Variants in IL4 observed in about 807,000 individuals in gnomAD.
IL4 encodes interleukin-4.
Under a neutral mutation model 17.4 loss-of-function variants are expected in IL4, and 10 were observed. That is an observed-to-expected ratio of 0.57 (90% CI 0.35 to 0.97). The LOEUF is 0.97. Ranked by LOEUF, IL4 falls within the 50% of genes least tolerant of loss-of-function variation. The pLI is 0.01. For missense variants in IL4, 174 were observed against 187.7 expected, an observed-to-expected ratio of 0.93 and a Z score of 0.43; for synonymous variants, 87 against 79.0, an observed-to-expected ratio of 1.10 and a Z score of -0.54.
Position 132,674,096 on chromosome 5 carries a change from G to C in IL4, c.46G>C (p.Ala16Pro). 6.2e-7 allele frequency: 1 copy of C among 1,614,160 alleles called. No individual in the cohort carries two copies. The highest frequency in any genetic ancestry group is 8.5e-7 in the Non-Finnish European group (1 of 1,180,010). Residue 16 changes from alanine (A) to proline (P), a missense_variant, in exon 1 of 4, where the codon GCA becomes CCA. Coordinates refer to ENST00000231449, the MANE Select transcript of IL4 (RefSeq NM_000589.4). ...QLLPPLFFLL[A>P]CAGNFVHGHK... ...GCTTCCCCCTCTGTTCTTCCTGCTA[G>C]CATGTGCCGGCAACTTTGTCCACGG...
intron 2 of IL4, among the ~76,000 whole-genome samples, chr5:132,675,927 A>ACATG (rs1752374542): frequency 2.4e-5 from 1 of 41,020 alleles, no homozygotes; most frequent in Admixed American, 2.9e-4. Context: ...ATGTGTATGT[A>ACATG]TATGTGTGTG....
intron 2 of IL4, among the ~76,000 whole-genome samples, chr5:132,678,089 G>GA (rs1485906293): frequency 1.3e-5 from 2 of 152,190 alleles, no homozygotes; most frequent in East Asian, 1.9e-4. Flanking sequence ...AGACTTTCCT[G>GA]AAAAAACGTT....
chr5:132,677,128 T>C (rs553442387), intron 2 of IL4, among the ~76,000 whole-genome samples: 3 of 152,356 alleles, frequency 2.0e-5, no homozygotes, highest in Non-Finnish European at 2.9e-5. Flanking sequence ...GAGTTTCTCA[T>C]ATACAGCACT....
chr5:132,682,338 T>C (rs1169049003), intron 3 of IL4, 148 bp from the exon 4 acceptor site: 4 of 558,316 alleles, frequency 7.2e-6, no homozygotes, highest in Non-Finnish European at 1.3e-5. Context: ...GCTGGCCTAG[T>C]GATAGAGACA....
chr5:132,681,948 G>A (rs1210503229), intron 3 of IL4, among the ~76,000 whole-genome samples: 1 of 152,196 alleles, frequency 6.6e-6, no homozygotes, highest in East Asian at 1.9e-4. Context: ...TATAAATTAA[G>A]TAGTACATCC....
In IL4 at chr5:132,675,929, A is replaced by ATATGTGTGTGTGTGTGTGTGTG. The variant is rs150233516; in HGVS notation, c.183+1424_183+1425insATGTGTGTGTGTGTGTGTGTGT. Among the ~76,000 whole-genome samples, 241 of 141,050 alleles carry ATATGTGTGTGTGTGTGTGTGTG rather than the reference A, an allele frequency of 1.7e-3. 1 individual carries two copies. Among genetic ancestry groups the ATATGTGTGTGTGTGTGTGTGTG allele is most frequent in the African/African-American group, 6.4e-3 (234 of 36,738 alleles). The allele number at this position is 141,050 out of a possible 152,430, so 92.5% of individuals were successfully genotyped here. A position where few individuals can be genotyped will look rare whatever the true frequency, so the allele number is the denominator to read the frequency against. On this transcript the variant is annotated intron_variant, in intron 2 of 3. Coordinates refer to ENST00000231449, the MANE Select transcript of IL4 (RefSeq NM_000589.4). ...TGTGTATGTATATATGTGTATGTAT[A>ATATGTGTGTGTGTGTGTGTGTG]TGTGTGTGTGTGTGTGTGTGTGTGT...
chr5:132,678,141 A>C (rs1380027492), intron 2 of IL4, among the ~76,000 whole-genome samples: 3 of 152,272 alleles, frequency 2.0e-5, no homozygotes, highest in Non-Finnish European at 4.4e-5. Context: ...TACATAAATA[A>C]GAGATGAACA....
intron 3 of IL4, 43 bp downstream of exon 3, chr5:132,679,933 T>G: frequency 6.5e-7 from 1 of 1,550,320 alleles, no homozygotes; most frequent in Non-Finnish European, 8.8e-7. Context: ...GCGTGGCTCC[T>G]GGTGGACAGC....
chr5:132,679,890 G>A lies in IL4; in HGVS notation c.360G>A (p.Leu120=). The A allele has an allele frequency of 6.2e-7, 1 of 1,611,080 alleles. No homozygotes were observed. The highest frequency in any genetic ancestry group is 8.5e-7 in the Non-Finnish European group (1 of 1,178,834). The change falls in exon 3 of 4, where the codon TTG becomes TTA. Residue 120 remains leucine, a splice_region_variant and synonymous_variant. Coordinates refer to ENST00000231449, the MANE Select transcript of IL4 (RefSeq NM_000589.4). Reference sequence around the variant, plus strand: ...GGAACCTCTGGGGCCTGGCGGGCTTGGTAAGCTGCACTGTATTCCTGGCAA... The same window carrying A: ...GGAACCTCTGGGGCCTGGCGGGCTTAGTAAGCTGCACTGTATTCCTGGCAA... ...LDRNLWGLAG[L]NSCPVKEANQ...
At position 132,682,610 on chromosome 5, in the gene IL4, G is replaced by C. The variant is rs201210927; in HGVS notation, c.*23G>C. 5.7e-6 allele frequency: 7 copies of C among 1,230,054 alleles called. No homozygotes were observed. The highest frequency in any genetic ancestry group is 8.2e-6 in the Non-Finnish European group (7 of 851,516). The allele number at this position is 1,230,054 out of a possible 1,614,324, so 76.2% of individuals were successfully genotyped here. On this transcript the variant is annotated 3_prime_UTR_variant, in exon 4 of 4. Coordinates refer to ENST00000231449, the MANE Select transcript of IL4 (RefSeq NM_000589.4). Reference sequence around the variant, plus strand: ...TGAATATTTTAATTTATGAGTTTTTGATAGCTTTATTTTTTAAGTATTTAT... The same window carrying C: ...TGAATATTTTAATTTATGAGTTTTTCATAGCTTTATTTTTTAAGTATTTAT...
chr5:132,680,180 G>A lies in IL4; in HGVS notation c.360+290G>A, dbSNP rs74396888. Among the ~76,000 whole-genome samples the A allele has an allele frequency of 1.9e-4, 29 of 152,232 alleles. No homozygotes were observed. The East Asian group carries it at 5.6e-3, about 29-fold the overall frequency. ...GGCCAGCAGTGATACGTGCTACAAA[G>A]AAAAACATAGAAATAAAGAACATAA... On this transcript the variant is annotated intron_variant, in intron 3 of 3. Coordinates refer to ENST00000231449, the MANE Select transcript of IL4 (RefSeq NM_000589.4). The surrounding 1 kb of genome is among the most constrained non-coding windows in gnomAD (Gnocchi z 4.3).
intron 2 of IL4, among the ~76,000 whole-genome samples, chr5:132,676,173 C>T (rs1465698215): frequency 1.3e-5 from 2 of 152,154 alleles, no homozygotes; most frequent in Non-Finnish European, 2.9e-5. Flanking sequence ...AGCTCTGCCA[C>T]TGACTAGCTG....
chr5:132,675,070 G>T (rs1003314987), intron 2 of IL4, among the ~76,000 whole-genome samples: 20 of 152,152 alleles, frequency 1.3e-4, no homozygotes, highest in African/African-American at 4.8e-4. Context: ...CCTCCAGCTC[G>T]GTCTGGAACC....
rs1026174757 is a variant in IL4, at chr5:132,674,291, G to A, written c.135+106G>A. On this transcript the variant is annotated intron_variant, in intron 1 of 3. Transcript: ENST00000231449. Reference sequence around the variant, plus strand: ...GCTAGAGAAGTTGGAACTGGTGGTTGGTGGCAGTCCAGGGCACACAGCGAG... The same window carrying A: ...GCTAGAGAAGTTGGAACTGGTGGTTAGTGGCAGTCCAGGGCACACAGCGAG... The A allele has an allele frequency of 2.2e-5, 31 of 1,425,646 alleles. No individual in the cohort carries two copies. The African/African-American group carries it at 3.4e-4, about 15-fold the overall frequency. The allele number at this position is 1,425,646 out of a possible 1,614,324, so 88.3% of individuals were successfully genotyped here.
chr5:132,676,480 T>G (rs1472352884), intron 2 of IL4, among the ~76,000 whole-genome samples: 1 of 152,090 alleles, frequency 6.6e-6, no homozygotes, highest in Non-Finnish European at 1.5e-5. Flanking sequence ...GCCAGGACAC[T>G]GCTGCCCTCC....
At chr5:132,677,500 G>A (rs1196130218) in intron 2 of IL4, among the ~76,000 whole-genome samples, 1 of 152,162 alleles carries the variant, frequency 6.6e-6, no homozygotes, top group African/African-American at 2.4e-5. Context: ...AAACGTTAAG[G>A]CCTTGCACTA....
Position 132,682,566 on chromosome 5 carries a change from A to G in IL4, c.441A>G (p.Lys147=), listed in dbSNP as rs1313437159. The G allele has an allele frequency of 1.2e-6, 2 of 1,601,070 alleles. No individual in the cohort carries two copies. Among genetic ancestry groups the G allele is most frequent in the East Asian group, 4.5e-5 (2 of 44,740 alleles). ...LERLKTIMRE[K]YSKCSS is the part of the protein sequence containing the mutation. ...GGCTAAAGACGATCATGAGAGAGAA[A>G]TATTCAAAGTGTTCGAGCTGAATAT... is the stretch of plus-strand genomic sequence containing the variant. Residue 147 remains lysine, a synonymous_variant, in exon 4 of 4, where the codon AAA becomes AAG. Coordinates refer to ENST00000231449, the MANE Select transcript of IL4 (RefSeq NM_000589.4).
At chr5:132,674,781 T>G (rs542077376) in intron 2 of IL4, among the ~76,000 whole-genome samples, 1 of 152,386 alleles carries the variant, frequency 6.6e-6, no homozygotes, top group Admixed American at 6.5e-5. Flanking sequence ...TACTTAGCTT[T>G]GGCATAGTGC....
At position 132,679,706 on chromosome 5, in the gene IL4, C is replaced by T; in HGVS notation, c.184-8C>T. 1 of 1,602,846 alleles carries T rather than the reference C, an allele frequency of 6.2e-7. No individual in the cohort carries two copies. Among genetic ancestry groups the T allele is most frequent in the Non-Finnish European group, 8.5e-7 (1 of 1,173,664 alleles). ...GCACATTGCTATCTGTGGCATTTGT[C>T]TTTCCAGAACACAACTGAGAAGGAA... is the stretch of plus-strand genomic sequence containing the variant. On this transcript the variant is annotated splice_polypyrimidine_tract_variant and splice_region_variant and intron_variant, in intron 2 of 3. Transcript: ENST00000231449.
Sources: allele counts gnomAD v4.1 joint callset (sites outside exome capture counted in the v4.1 genomes callset), GRCh38; gene constraint gnomAD v4.1.1; non-coding constraint Gnocchi (gnomAD v3.1); transcripts MANE v1.5; gene names NCBI Gene and HGNC (gene_info 2026-07-23, HGNC 2026-07-21).